ADGRL1: variants seen among roughly 807,000 people sequenced by gnomAD.
ADGRL1 encodes the protein adhesion G protein-coupled receptor L1, also known as CIRL-1.
Under a neutral mutation model 148.9 loss-of-function variants are expected in ADGRL1, and 31 were observed. The observed-to-expected ratio is 0.21, with a 90% confidence interval of 0.16 to 0.28. The LOEUF is 0.28. ADGRL1 is among the 10% of genes least tolerant of loss of function. The probability of loss-of-function intolerance (pLI) is 1.00; values close to 1 mark genes in which losing one functional copy is unlikely to be tolerated. For missense variants in ADGRL1, 1,521 were observed against 2,058.8 expected (o/e 0.74, Z 5.05); for synonymous variants, 937 against 900.3 (o/e 1.04, Z -0.73).
At chr19:14,176,820 C>T (rs1428684353) in intron 3 of ADGRL1, among the ~76,000 whole-genome samples, 1 of 150,388 alleles carries the variant, frequency 6.6e-6, no homozygotes, top group Non-Finnish European at 1.5e-5. Flanking sequence ...GCCTAGGCAA[C>T]AGTGAGACCC....
At chr19:14,191,562 G>T (rs1322903839) in intron 1 of ADGRL1, 5 of 414,296 alleles carry the variant, frequency 1.2e-5, no homozygotes, top group Non-Finnish European at 2.5e-5. Flanking sequence ...CCTAGTTCTG[G>T]AGGCCAGAAG....
intron 4 of ADGRL1, 59 bp from the exon 5 acceptor site, chr19:14,163,465 G>GGGGA (rs1555785179): frequency 5.7e-6 from 4 of 702,290 alleles, no homozygotes; most frequent in African/African-American, 2.3e-5. Context: ...GCGAGAGGGA[G>GGGGA]GAGAGAGAGA....
intron 2 of ADGRL1, among the ~76,000 whole-genome samples, chr19:14,182,135 C>T (rs1971241504): frequency 6.6e-6 from 1 of 152,208 alleles, no homozygotes; most frequent in Admixed American, 6.5e-5. Context: ...GTGCCTCTGT[C>T]CCTCCCCTGA....
At chr19:14,183,212 A>AGAGC (rs1555790226) in intron 2 of ADGRL1, among the ~76,000 whole-genome samples, 7 of 151,164 alleles carry the variant, frequency 4.6e-5, no homozygotes, top group South Asian at 2.1e-4. Context: ...AGAGAGAGAG[A>AGAGC]GAGAGCGAGA....
intron 1 of ADGRL1, among the ~76,000 whole-genome samples, chr19:14,188,963 G>A (rs1301874881): frequency 6.6e-6 from 1 of 151,844 alleles, no homozygotes; most frequent in Non-Finnish European, 1.5e-5. Context: ...TGTTGGCCAG[G>A]CTAGTCTGGA....
intron 3 of ADGRL1, among the ~76,000 whole-genome samples, chr19:14,175,902 A>C (rs1172682407): frequency 6.6e-6 from 1 of 152,094 alleles, no homozygotes; most frequent in East Asian, 1.9e-4. Context: ...AAAAATACAA[A>C]AATAAGCTGG....
intron 4 of ADGRL1, among the ~76,000 whole-genome samples, chr19:14,168,323 T>C (rs1165189545): frequency 6.6e-6 from 1 of 152,174 alleles, no homozygotes; most frequent in Non-Finnish European, 1.5e-5. Flanking sequence ...CTGGCCTCCC[T>C]GTCCTCTAGC....
At chr19:14,194,452 C>G (rs947119717) in intron 1 of ADGRL1, among the ~76,000 whole-genome samples, 1 of 152,220 alleles carries the variant, frequency 6.6e-6, no homozygotes, top group African/African-American at 2.4e-5. Context: ...ACCTGAGATG[C>G]CTGGGACAGT....
chr19:14,186,513 C>G (rs984391683), intron 1 of ADGRL1, among the ~76,000 whole-genome samples: 2 of 152,162 alleles, frequency 1.3e-5, no homozygotes, highest in Non-Finnish European at 2.9e-5. Context: ...CCTGTGGGCT[C>G]TGCCTCTGAA....
chr19:14,158,521 G>A lies in ADGRL1; in HGVS notation c.2181C>T (p.Asn727=), dbSNP rs375653529. ...CCGTGGACAGGAAGAGGCCCAGGTTGTTGTAGAGGATGAAGACAACTTTGA... is the reference window on the plus strand; with the variant it reads ...CCGTGGACAGGAAGAGGCCCAGGTTATTGTAGAGGATGAAGACAACTTTGA... ...GVVKVVFILY[N]NLGLFLSTEN... Residue 727 remains asparagine (N), a synonymous_variant, in exon 12 of 23, where the codon AAC becomes AAT. Coordinates refer to ENST00000361434, the MANE Select transcript of ADGRL1 (RefSeq NM_014921.5). 1.2e-6 allele frequency: 2 copies of A among 1,613,926 alleles called. No individual in the cohort carries two copies. Among genetic ancestry groups the A allele is most frequent in the Non-Finnish European group, 1.7e-6 (2 of 1,180,030 alleles).
chr19:14,166,096 CCCCGCCG>C (rs967414734), intron 4 of ADGRL1, among the ~76,000 whole-genome samples: 27 of 152,226 alleles, frequency 1.8e-4, no homozygotes, highest in Non-Finnish European at 3.5e-4. Flanking sequence ...CAGACTGTGC[CCCCGCCG>C]CCCGCCGCCC....
chr19:14,197,737 C>T (rs1599520749), intron 1 of ADGRL1, among the ~76,000 whole-genome samples: 2 of 152,186 alleles, frequency 1.3e-5, no homozygotes, highest in African/African-American at 4.8e-5. Context: ...CTGTCTTCCC[C>T]ACCATCGAGG....
chr19:14,205,111 G>A (rs1269965935), intron 1 of ADGRL1, among the ~76,000 whole-genome samples: 1 of 151,984 alleles, frequency 6.6e-6, no homozygotes, highest in African/African-American at 2.4e-5. Context: ...GAGATACCTG[G>A]GAGGGCATTT....
rs1418910497 is a variant in ADGRL1 at position 14,157,058 on chromosome 19, G to A, written c.2833C>T (p.Leu945=). The change falls in exon 15 of 23, where the codon CTG becomes TTG. Residue 945 remains leucine, a synonymous_variant. Transcript: ENST00000361434. This position sits in a 1 kb window ranked among gnomAD's most constrained non-coding sequence, Gnocchi z 7.5. The part of the protein sequence containing the change: ...WLCLEGVHLY[L]LLVEVFESEY... ...CTCTCAAACACCTCCACTAGTAGCA[G>A]GTAGAGGTGCACGCCCTCCAGGCAC... is the stretch of plus-strand genomic sequence containing the variant. 1 of 1,614,102 alleles carries A rather than the reference G, an allele frequency of 6.2e-7. No individual in the cohort carries two copies. Among genetic ancestry groups the A allele is most frequent in the South Asian group, 1.1e-5 (1 of 91,090 alleles).
intron 1 of ADGRL1, among the ~76,000 whole-genome samples, chr19:14,191,873 T>C (rs1971965481): frequency 1.3e-5 from 2 of 152,086 alleles, no homozygotes; most frequent in Admixed American, 1.3e-4. Context: ...TTTTTCGATT[T>C]TTTTTGTAGA....
At chr19:14,164,265 C>T (rs1376157743) in intron 4 of ADGRL1, among the ~76,000 whole-genome samples, 3 of 151,932 alleles carry the variant, frequency 2.0e-5, no homozygotes, top group African/African-American at 7.3e-5. Flanking sequence ...GACAGTGGCA[C>T]TGTGCACAGG....
chr19:14,155,247 A>T lies in ADGRL1; in HGVS notation c.3294+112T>A, dbSNP rs1968601924. 2 of 1,241,242 alleles carry T rather than the reference A, an allele frequency of 1.6e-6. No individual in the cohort carries two copies. The highest frequency in any genetic ancestry group is 1.1e-6 in the Non-Finnish European group (1 of 879,994). The allele number at this position is 1,241,242 out of a possible 1,614,324, so 76.9% of individuals were successfully genotyped here. A position where few individuals can be genotyped will look rare whatever the true frequency, so the allele number is the denominator to read the frequency against. ...TGACCACAGAAGCCCTGCAGCACTC[A>T]CTGGGGGCTTGAGGGAGCCCCTGAG... On this transcript the variant is annotated intron_variant, in intron 18 of 22. Transcript: ENST00000361434. The surrounding 1 kb of genome is among the most constrained non-coding windows in gnomAD (Gnocchi z 5.0).
At chr19:14,188,437 C>A (rs1055907630) in intron 1 of ADGRL1, among the ~76,000 whole-genome samples, 5 of 152,092 alleles carry the variant, frequency 3.3e-5, no homozygotes, top group African/African-American at 1.2e-4. Flanking sequence ...CCAGAGTGGA[C>A]CCCCCAGAGC....
At chr19:14,158,656 C>T (rs758182257) in intron 11 of ADGRL1, 104 bp from the exon 12 acceptor site, 279 of 907,698 alleles carry the variant, frequency 3.1e-4, no homozygotes, top group Non-Finnish European at 4.0e-4. Flanking sequence ...CCCTTGGCCA[C>T]GCTGGCCACT....
Sources: gnomAD v4.1 joint callset for allele counts (sites outside exome capture counted in the v4.1 genomes callset) on GRCh38, gnomAD v4.1.1 for gene constraint, Gnocchi (gnomAD v3.1) non-coding constraint, MANE v1.5 for transcripts, NCBI Gene and HGNC (gene_info 2026-07-23, HGNC 2026-07-21) for gene names.